The following BTBD3 variants were observed in gnomAD, a reference collection of about 807,000 sequenced individuals.
The protein encoded by BTBD3 is BTB domain containing 3.
A neutral mutation model predicts 41.6 loss-of-function variants in BTBD3; 14 were observed. The ratio of observed to expected loss-of-function variants is 0.34; its 90% confidence interval spans 0.22 to 0.53. The LOEUF (loss-of-function observed/expected upper bound fraction) is 0.53, where lower values mean the gene tolerates loss of function less well. BTBD3 is among the 20% of genes least tolerant of loss of function. The pLI is 0.95. For synonymous variants in BTBD3, 249 were observed against 233.7 expected, an observed-to-expected ratio of 1.07 and a Z score of -0.60; for missense variants, 426 against 654.7, an observed-to-expected ratio of 0.65 and a Z score of 3.81.
intron 1 of BTBD3, among the ~76,000 whole-genome samples, chr20:11,895,907 A>G (rs1427618909): frequency 6.6e-6 from 1 of 152,086 alleles, no homozygotes; most frequent in Non-Finnish European, 1.5e-5. Context: ...CCACTTGTCC[A>G]TCTGTTTTCC....
At chr20:11,918,687 C>A in intron 1 of BTBD3, 86 bp downstream of exon 1, 1 of 1,366,934 alleles carries the variant, frequency 7.3e-7, no homozygotes, top group Non-Finnish European at 9.9e-7. Flanking sequence ...TATTTGAACA[C>A]AAATCTGTTT....
chr20:11,922,925 A>G lies in BTBD3; in HGVS notation c.828A>G (p.Glu276=). The part of the protein sequence containing the change: ...FQTLESILRR[E]TLNAKEIVVF... ...CACTAGAAAGTATTCTCCGTAGGGA[A>G]ACTCTGAATGCCAAAGAAATTGTGG... The change falls in exon 4 of 4, where the codon GAA becomes GAG. Residue 276 remains glutamate (E), a synonymous_variant. Coordinates refer to ENST00000378226, the MANE Select transcript of BTBD3 (RefSeq NM_014962.4). 6.2e-7 allele frequency: 1 copy of G among 1,614,240 alleles called. No homozygotes were observed. Among genetic ancestry groups the G allele is most frequent in the South Asian group, 1.1e-5 (1 of 91,086 alleles).
At chr20:11,899,346 T>C (rs1034558946) in intron 1 of BTBD3, among the ~76,000 whole-genome samples, 1 of 152,216 alleles carries the variant, frequency 6.6e-6, no homozygotes, top group African/African-American at 2.4e-5. Flanking sequence ...GCAATCCTTA[T>C]AGCAGTCATT....
upstream of BTBD3, among the ~76,000 whole-genome samples, chr20:11,916,665 A>G (rs2056919598): frequency 6.6e-6 from 1 of 152,274 alleles, no homozygotes; most frequent in Admixed American, 6.5e-5. Flanking sequence ...AACAATAACA[A>G]TCGTAACTCT....
intron 1 of BTBD3, among the ~76,000 whole-genome samples, chr20:11,911,400 A>G (rs942132938): frequency 2.6e-5 from 4 of 152,232 alleles, no homozygotes; most frequent in Admixed American, 6.5e-5. Context: ...CTAGAAACCT[A>G]TAATTGGAAA....
chr20:11,917,966 G>T lies in BTBD3; in HGVS notation c.-310G>T. 9.4e-7 allele frequency: 1 copy of T among 1,061,440 alleles called. No homozygotes were observed. Among genetic ancestry groups the T allele is most frequent in the Non-Finnish European group, 1.1e-6 (1 of 878,034 alleles). 65.8% of individuals were successfully genotyped at this position (1,061,440 alleles called of 1,614,324 possible). A position where few individuals can be genotyped will look rare whatever the true frequency, so the allele number is the denominator to read the frequency against. Reference sequence around the variant, plus strand: ...CTTGCTGACCTAATTCAGAAAAGAAGTGCTACAGCTCTGTGCCTGTCATCT... The same window carrying T: ...CTTGCTGACCTAATTCAGAAAAGAATTGCTACAGCTCTGTGCCTGTCATCT... On this transcript the variant is annotated 5_prime_UTR_variant, in exon 1 of 4. Transcript: ENST00000378226.
chr20:11,909,027 C>T lies in BTBD3; in HGVS notation c.-125-9307C>T, dbSNP rs151317883. 2.7e-3 allele frequency among the ~76,000 whole-genome samples: 406 copies of T among 152,092 alleles called. 1 individual carries two copies. The highest frequency in any genetic ancestry group is 9.4e-3 in the African/African-American group (388 of 41,490). On this transcript the variant is annotated intron_variant, in intron 1 of 4. Coordinates refer to the BTBD3 transcript ENST00000254977. ...CTTTGGGAGGCCTAGGCGGGTGGAT[C>T]ACATGAGGTCAGGAGTTCGGGTGGA...
At chr20:11,899,939 C>T (rs2056813924) in intron 1 of BTBD3, among the ~76,000 whole-genome samples, 1 of 152,166 alleles carries the variant, frequency 6.6e-6, no homozygotes, top group Admixed American at 6.5e-5. Flanking sequence ...AGCCCAATAG[C>T]TGTTACCTAT....
intron 1 of BTBD3, among the ~76,000 whole-genome samples, chr20:11,893,483 T>G (rs950784984): frequency 8.5e-5 from 13 of 152,228 alleles, no homozygotes; most frequent in Non-Finnish European, 1.8e-4. Context: ...TAATAATCTT[T>G]CACTTAATCT....
chr20:11,896,283 G>T (rs971959442), intron 1 of BTBD3, among the ~76,000 whole-genome samples: 2 of 152,044 alleles, frequency 1.3e-5, no homozygotes, highest in Non-Finnish European at 2.9e-5. Context: ...TTTGTGATGG[G>T]CTCTTCAAAT....
rs1354708318 is a variant in BTBD3 at position 11,926,372 on chromosome 20, G to A, written c.*2706G>A. ...TGCACTGAACTTTTTTGTTTATTAA[G>A]GTGTTTAAATAAGCTCAGCTAATTC... On this transcript the variant is annotated 3_prime_UTR_variant, in exon 4 of 4. Transcript: ENST00000378226. 6.6e-6 allele frequency: 1 copy of A among 152,570 alleles called. No homozygotes were observed. The highest frequency in any genetic ancestry group is 6.5e-5 in the Admixed American group (1 of 15,274). 9.5% of individuals were successfully genotyped at this position (152,570 alleles called of 1,614,324 possible). A position where few individuals can be genotyped will look rare whatever the true frequency, so the allele number is the denominator to read the frequency against.
chr20:11,910,052 A>G (rs1276422321), intron 1 of BTBD3: 1 of 152,184 alleles, frequency 6.6e-6, no homozygotes, highest in Non-Finnish European at 1.5e-5. Flanking sequence ...CTGATGTAGA[A>G]TATCTGGTGA....
chr20:11,893,289 G>A (rs576612584), intron 1 of BTBD3, among the ~76,000 whole-genome samples: 82 of 152,208 alleles, frequency 5.4e-4, no homozygotes, highest in African/African-American at 1.9e-3. Context: ...TTTGTGTTGG[G>A]AGTTGAAATG....
chr20:11,910,841 A>C (rs993550642), intron 1 of BTBD3, among the ~76,000 whole-genome samples: 1 of 152,212 alleles, frequency 6.6e-6, no homozygotes, highest in African/African-American at 2.4e-5. Flanking sequence ...TGGCAATGCA[A>C]ATTCTCATTT....
intron 1 of BTBD3, among the ~76,000 whole-genome samples, chr20:11,898,919 A>ATGTGAAT (rs2056807087): frequency 6.6e-6 from 1 of 152,216 alleles, no homozygotes; most frequent in African/African-American, 2.4e-5. Flanking sequence ...CATCTGAATG[A>ATGTGAAT]TGTGAATTGT....
chr20:11,917,546 G>T (rs1055682925), upstream of BTBD3, among the ~76,000 whole-genome samples: 1 of 152,186 alleles, frequency 6.6e-6, no homozygotes, highest in Non-Finnish European at 1.5e-5. Context: ...ACTAAATGCT[G>T]CTGGGAAAAA....
chr20:11,919,029 G>C, intron 1 of BTBD3, 57 bp from the exon 2 acceptor site: 1 of 1,309,116 alleles, frequency 7.6e-7, no homozygotes, highest in South Asian at 1.3e-5. Flanking sequence ...GTATGTTGGG[G>C]AAGGGGATGT....
intron 1 of BTBD3, 179 bp downstream of exon 1, chr20:11,918,780 A>G: frequency 1.4e-6 from 1 of 713,478 alleles, no homozygotes. Flanking sequence ...TTCCTCTTAG[A>G]TAAAAATGTT....
At chr20:11,894,897 G>A (rs2056777452) in intron 1 of BTBD3, among the ~76,000 whole-genome samples, 1 of 151,990 alleles carries the variant, frequency 6.6e-6, no homozygotes, top group African/African-American at 2.4e-5. Context: ...TTTACAATAA[G>A]GCTTTTAGAC....
Sources: allele counts gnomAD v4.1 joint callset (sites outside exome capture counted in the v4.1 genomes callset), GRCh38; gene constraint gnomAD v4.1.1; transcripts MANE v1.5; gene names NCBI Gene and HGNC (gene_info 2026-07-23, HGNC 2026-07-21).